The following KAT6A variants were observed in gnomAD, a reference collection of about 807,000 sequenced individuals.
The protein encoded by KAT6A is lysine acetyltransferase 6A, also known as histone acetyltransferase KAT6A.
KAT6A carries 9 observed loss-of-function variants against 198.4 expected under a neutral mutation model. That is an observed-to-expected ratio of 0.05 (90% confidence interval 0.03 to 0.08). The LOEUF (loss-of-function observed/expected upper bound fraction) is 0.08, where lower values mean the gene tolerates loss of function less well. KAT6A is among the 10% of genes least tolerant of loss of function. The pLI, the probability that KAT6A is intolerant of heterozygous loss-of-function variation, is 1.00. For synonymous variants in KAT6A, 890 were observed against 883.0 expected (o/e 1.01, Z -0.14); for missense variants, 2,077 against 2,509.9 (o/e 0.83, Z 3.69).
chr8:41,983,812 T>C (rs953180478), intron 3 of KAT6A, among the ~76,000 whole-genome samples: 2 of 152,232 alleles, frequency 1.3e-5, no homozygotes, highest in Non-Finnish European at 2.9e-5. Flanking sequence ...TCAATTGTGA[T>C]TATTATAAAC....
intron 3 of KAT6A, among the ~76,000 whole-genome samples, chr8:41,983,823 G>A (rs546191909): frequency 6.6e-6 from 1 of 152,286 alleles, no homozygotes; most frequent in Non-Finnish European, 1.5e-5. Context: ...TATTATAAAC[G>A]CTATACAATG....
At chr8:42,014,620 A>G (rs1021348352) in intron 2 of KAT6A, among the ~76,000 whole-genome samples, 1 of 152,224 alleles carries the variant, frequency 6.6e-6, no homozygotes, top group African/African-American at 2.4e-5. Flanking sequence ...TTACAGCAAT[A>G]AGACAAGGAC....
chr8:42,044,347 C>A (rs564670891), intron 2 of KAT6A, among the ~76,000 whole-genome samples: 1 of 152,092 alleles, frequency 6.6e-6, no homozygotes, highest in South Asian at 2.1e-4. Flanking sequence ...GATCCACCCC[C>A]CCCTCGGCAT....
chr8:41,956,627 T>G (rs1376505376), intron 8 of KAT6A, among the ~76,000 whole-genome samples: 1 of 152,226 alleles, frequency 6.6e-6, no homozygotes, highest in Non-Finnish European at 1.5e-5. Context: ...AAGGGACTTA[T>G]CTCAGGTTTC....
intron 2 of KAT6A, among the ~76,000 whole-genome samples, chr8:42,002,623 C>G (rs1010893159): frequency 6.6e-6 from 1 of 152,048 alleles, no homozygotes; most frequent in Admixed American, 6.6e-5. Context: ...TAAACACAGA[C>G]GAGTCCACAG....
At position 41,941,000 on chromosome 8, in the gene KAT6A, T is replaced by G. The variant is rs1564010355; in HGVS notation, c.2881A>C (p.Arg961=). Residue 961 remains arginine (R), a synonymous_variant, in exon 15 of 17, where the codon AGA becomes CGA. Transcript: ENST00000265713. ...LKKSPEALKC[R]LTEGSERLPR... ...AGCCTCTCACTTCCTTCTGTTAATCTGCACTTCAGAGCCTCAGGGCTTTTC... is the reference window on the plus strand; with the variant it reads ...AGCCTCTCACTTCCTTCTGTTAATCGGCACTTCAGAGCCTCAGGGCTTTTC... 1 of 1,614,200 alleles carries G rather than the reference T, an allele frequency of 6.2e-7. No individual in the cohort carries two copies. Among genetic ancestry groups the G allele is most frequent in the East Asian group, 2.2e-5 (1 of 44,864 alleles).
chr8:41,958,476 G>A (rs1342313416), intron 8 of KAT6A: 3 of 152,174 alleles, frequency 2.0e-5, no homozygotes, highest in Admixed American at 1.3e-4. Context: ...CGGAAGTAAC[G>A]ACAGCCCTCA....
intron 8 of KAT6A, among the ~76,000 whole-genome samples, chr8:41,971,959 T>C (rs1823816201): frequency 6.6e-6 from 1 of 152,178 alleles, no homozygotes; most frequent in Non-Finnish European, 1.5e-5. Context: ...AGCTACCATT[T>C]ACTCTTGTTC....
intron 2 of KAT6A, among the ~76,000 whole-genome samples, chr8:42,006,093 T>A (rs1251760378): frequency 1.3e-5 from 2 of 152,198 alleles, no homozygotes; most frequent in Non-Finnish European, 2.9e-5. Context: ...AACAATTACC[T>A]TATTAATACC....
chr8:42,012,396 G>A (rs560930982), intron 2 of KAT6A, among the ~76,000 whole-genome samples: 5 of 152,236 alleles, frequency 3.3e-5, no homozygotes, highest in African/African-American at 1.2e-4. Flanking sequence ...ATTTTGAGAT[G>A]GGGGGGTTAT....
intron 2 of KAT6A, among the ~76,000 whole-genome samples, chr8:42,046,750 T>C (rs1210670071): frequency 2.0e-5 from 3 of 152,180 alleles, no homozygotes; most frequent in East Asian, 3.9e-4. Flanking sequence ...CACTTAAATA[T>C]AGAATAAAGC....
chr8:41,995,888 C>G (rs1825179103), intron 2 of KAT6A, among the ~76,000 whole-genome samples: 1 of 151,988 alleles, frequency 6.6e-6, no homozygotes, highest in Non-Finnish European at 1.5e-5. Flanking sequence ...GTTGGTCAGG[C>G]TGGTCTCGAA....
At chr8:41,956,178 G>A (rs1393472858) in intron 8 of KAT6A, among the ~76,000 whole-genome samples, 3 of 152,082 alleles carry the variant, frequency 2.0e-5, no homozygotes, top group African/African-American at 4.8e-5. Flanking sequence ...ACATAAGTAC[G>A]TAGCTCAAGA....
At chr8:42,017,211 G>A (rs1014137859) in intron 2 of KAT6A, among the ~76,000 whole-genome samples, 33 of 152,122 alleles carry the variant, frequency 2.2e-4, no homozygotes, top group Admixed American at 3.3e-4. Flanking sequence ...TCCCCCGCAC[G>A]TTGTCAGGTT....
At chr8:41,953,810 G>C (rs1392426587) in intron 9 of KAT6A, among the ~76,000 whole-genome samples, 1 of 152,144 alleles carries the variant, frequency 6.6e-6, no homozygotes, top group Non-Finnish European at 1.5e-5. Context: ...CAGAATTCCT[G>C]AGGAATGAGT....
Position 41,949,236 on chromosome 8 carries a change from T to C in KAT6A, c.1726A>G (p.Ile576Val). 6.6e-7 allele frequency: 1 copy of C among 1,524,348 alleles called. No homozygotes were observed. The highest frequency in any genetic ancestry group is 8.8e-7 in the Non-Finnish European group (1 of 1,138,192). The allele number at this position is 1,524,348 out of a possible 1,614,324, so 94.4% of individuals were successfully genotyped here. Reference sequence around the variant, plus strand: ...ATCTACCTTACCTCAAAGACAGAAATATTATTCTTTCTGTAAATCTCATTG... The same window carrying C: ...ATCTACCTTACCTCAAAGACAGAAACATTATTCTTTCTGTAAATCTCATTG... Reference protein sequence around the residue: ...PANEIYRKNNISVFEVDGNVS... With the variant: ...PANEIYRKNNVSVFEVDGNVS... Residue 576 changes from isoleucine (I) to valine (V), a missense_variant, in exon 10 of 17, where the codon ATT (isoleucine) becomes GTT (valine). Coordinates refer to ENST00000265713, the MANE Select transcript of KAT6A (RefSeq NM_006766.5).
chr8:41,942,520 G>C (rs1822190889), intron 14 of KAT6A: 3 of 426,782 alleles, frequency 7.0e-6, no homozygotes, highest in Non-Finnish European at 1.3e-5. Flanking sequence ...TTAAAACTGA[G>C]CTGCTTCTTG....
rs557681381 is a variant in KAT6A, at chr8:41,970,446, T to C, written c.1482+4258A>G. On this transcript the variant is annotated intron_variant, in intron 8 of 16. Coordinates refer to ENST00000265713, the MANE Select transcript of KAT6A (RefSeq NM_006766.5). ...CAGCAACCCGTTTAACTCTCTTTGGTCATCCTTCTTGCACCTTTCTATTAT... is the reference window on the plus strand; with the variant it reads ...CAGCAACCCGTTTAACTCTCTTTGGCCATCCTTCTTGCACCTTTCTATTAT... Among the ~76,000 whole-genome samples, 9 of 152,260 alleles carry C rather than the reference T, an allele frequency of 5.9e-5. No individual in the cohort carries two copies. In the South Asian group the frequency reaches 1.4e-3, roughly 25 times the overall value.
Position 42,006,180 on chromosome 8 carries a change from A to G in KAT6A, c.601-18617T>C, listed in dbSNP as rs959457845. Among the ~76,000 whole-genome samples, 61 of 152,242 alleles carry G rather than the reference A, an allele frequency of 4.0e-4. 1 individual carries two copies. The highest frequency in any genetic ancestry group is 1.4e-3 in the African/African-American group (56 of 41,452). On this transcript the variant is annotated intron_variant, in intron 2 of 16. Transcript: ENST00000265713. ...TAAGAAACAGTTTAGGGACCCTAGA[A>G]GAGTCTAGCCTTGTCTGCACCTAGG... is the stretch of plus-strand genomic sequence containing the variant.
Sources: allele counts gnomAD v4.1 joint callset (sites outside exome capture counted in the v4.1 genomes callset), GRCh38; gene constraint gnomAD v4.1.1; transcripts MANE v1.5; gene names NCBI Gene and HGNC (gene_info 2026-07-23, HGNC 2026-07-21).